Variants in PLD1 observed in about 807,000 individuals in gnomAD.
PLD1 encodes the protein phospholipase D1.
In PLD1, 112 loss-of-function variants were observed where a neutral mutation model predicts 137.1. That is an observed-to-expected ratio of 0.82 (90% CI 0.70 to 0.96). The LOEUF is 0.96. PLD1 is among the 40% of genes least tolerant of loss of function. The pLI, the probability that PLD1 is intolerant of heterozygous loss-of-function variation, is 0.00. For missense variants in PLD1, 1,321 were observed against 1,342.0 expected (o/e 0.98, Z 0.24); for synonymous variants, 431 against 454.7 (o/e 0.95, Z 0.66).
At chr3:171,693,350 G>A (rs1264535829) in intron 12 of PLD1, among the ~76,000 whole-genome samples, 2 of 152,044 alleles carry the variant, frequency 1.3e-5, no homozygotes, top group African/African-American at 4.8e-5. Context: ...AAAAGACCAG[G>A]TCCAATAGCT....
chr3:171,784,007 T>A (rs145721746), intron 1 of PLD1, among the ~76,000 whole-genome samples: 106 of 152,294 alleles, frequency 7.0e-4, no homozygotes, highest in Non-Finnish European at 1.2e-3. Flanking sequence ...ACTCTCTGTG[T>A]CTGGATAGTA....
At chr3:171,611,886 C>T (rs939832040) in intron 25 of PLD1, among the ~76,000 whole-genome samples, 1 of 152,006 alleles carries the variant, frequency 6.6e-6, no homozygotes, top group African/African-American at 2.4e-5. Context: ...TTGAGACCAG[C>T]CTGGGCAGCA....
Position 171,692,357 on chromosome 3 carries a change from A to G in PLD1, c.1313T>C (p.Leu438Ser). The G allele has an allele frequency of 2.6e-6, 4 of 1,560,482 alleles. No individual in the cohort carries two copies. The highest frequency in any genetic ancestry group is 3.5e-6 in the Non-Finnish European group (4 of 1,131,102). The change falls in exon 13 of 27, where the codon TTG becomes TCG. Residue 438 changes from leucine to serine, a missense_variant. Leu to Ser is a moderately radical substitution (Grantham distance 145). Coordinates refer to ENST00000351298, the MANE Select transcript of PLD1 (RefSeq NM_002662.5). The part of the protein sequence containing the change: ...GINSEYTKRT[L>S]MRLHPNIKVM... The stretch of plus-strand genomic sequence containing the variant: ...CTTTATGTTGGGATGTAGACGCATC[A>G]AAGTCCTCTTGGTGTATTCACTATT...
In PLD1 at chr3:171,664,792, G is replaced by T. The variant is rs145765356; in HGVS notation, c.2230-2622C>A. 2.8e-3 allele frequency among the ~76,000 whole-genome samples: 420 copies of T among 152,186 alleles called. 1 individual carries two copies. Among genetic ancestry groups the T allele is most frequent in the African/African-American group, 9.4e-3 (389 of 41,534 alleles). ...CATGATGTTTAAATGACTTGTCCAA[G>T]GTGTAAGAGAATTTACATATAATTT... On this transcript the variant is annotated intron_variant, in intron 19 of 26. Transcript: ENST00000351298.
intron 23 of PLD1, among the ~76,000 whole-genome samples, chr3:171,628,278 C>A (rs542084665): frequency 4.6e-5 from 7 of 152,294 alleles, no homozygotes; most frequent in African/African-American, 1.4e-4. Flanking sequence ...GGATAAATTC[C>A]TCAACATATA....
chr3:171,641,883 C>A (rs186273942), intron 23 of PLD1, among the ~76,000 whole-genome samples: 16 of 152,314 alleles, frequency 1.1e-4, no homozygotes, highest in Middle Eastern at 6.8e-3. Flanking sequence ...CCACCAACCT[C>A]TTCTTGCCTT....
At chr3:171,802,027 A>G (rs1723669898) in intron 1 of PLD1, among the ~76,000 whole-genome samples, 1 of 152,256 alleles carries the variant, frequency 6.6e-6, no homozygotes, top group African/African-American at 2.4e-5. Context: ...TCCAAATTGC[A>G]GTAATATCTC....
In PLD1 at chr3:171,687,472, A is replaced by G; in HGVS notation, c.1652T>C (p.Ile551Thr). The change falls in exon 15 of 27, where the codon ATA becomes ACA. Residue 551 changes from isoleucine to threonine, a missense_variant. By Grantham distance (89) the Ile-to-Thr change is moderately conservative (BLOSUM62 -1). Coordinates refer to ENST00000351298, the MANE Select transcript of PLD1 (RefSeq NM_002662.5). ...IDDVDSKLKG[I>T]GKPRKFSKFS... is the part of the protein sequence containing the mutation. ...TTTGGAGAACTTTCTTGGCTTTCCT[A>G]TTCCTTTCAGTTTTGAATCCACATC... is the stretch of plus-strand genomic sequence containing the variant. The G allele has an allele frequency of 1.2e-6, 2 of 1,614,110 alleles. No homozygotes were observed. The highest frequency in any genetic ancestry group is 1.7e-6 in the Non-Finnish European group (2 of 1,179,992).
In PLD1 at chr3:171,801,516, C is replaced by T. The variant is rs532575795; in HGVS notation, c.-32+8883G>A. 7.6e-4 allele frequency among the ~76,000 whole-genome samples: 116 copies of T among 152,336 alleles called. 1 individual carries two copies. The highest frequency in any genetic ancestry group is 1.9e-3 in the South Asian group (9 of 4,824). ...CGATCTCAGCTCACTGTAACCTCCACCTCCTAGGTTCAAGCAATTCTCCTG... is the reference window on the plus strand; with the variant it reads ...CGATCTCAGCTCACTGTAACCTCCATCTCCTAGGTTCAAGCAATTCTCCTG... On this transcript the variant is annotated intron_variant, in intron 1 of 26. Transcript: ENST00000351298.
intron 1 of PLD1, among the ~76,000 whole-genome samples, chr3:171,758,921 A>T (rs1041261129): frequency 6.6e-6 from 1 of 152,218 alleles, no homozygotes; most frequent in Non-Finnish European, 1.5e-5. Context: ...AGAAGCATGT[A>T]TCATGTAGCA....
At chr3:171,764,883 G>GA (rs369681569) in intron 1 of PLD1, among the ~76,000 whole-genome samples, 1 of 25,156 alleles carries the variant, frequency 4.0e-5, no homozygotes, top group Non-Finnish European at 8.8e-5. Flanking sequence ...AAGAAAGAAA[G>GA]AAAGAAAGAA....
intron 1 of PLD1, among the ~76,000 whole-genome samples, chr3:171,804,657 C>T (rs1449100322): frequency 6.6e-6 from 1 of 152,222 alleles, no homozygotes; most frequent in Non-Finnish European, 1.5e-5. Flanking sequence ...GTGGCATAAA[C>T]CAAACTAGAC....
chr3:171,612,303 C>G lies in PLD1; in HGVS notation c.2858G>C (p.Arg953Pro). Residue 953 changes from arginine (R) to proline (P), a missense_variant, in exon 25 of 27, where the codon CGA (arginine) becomes CCA (proline). Coordinates refer to ENST00000351298, the MANE Select transcript of PLD1 (RefSeq NM_002662.5). The surrounding 1 kb of genome is among the most constrained non-coding windows in gnomAD (Gnocchi z 4.1). ...CCTAAAGCACTGTAGCCGAAGTCCT[C>G]GGGCAAACCGGCCAGCTTGGTACTC... ...GKEYQAGRFA[R>P]GLRLQCFRVV... is the part of the protein sequence containing the mutation. 1 of 1,614,114 alleles carries G rather than the reference C, an allele frequency of 6.2e-7. No individual in the cohort carries two copies. The highest frequency in any genetic ancestry group is 8.5e-7 in the Non-Finnish European group (1 of 1,179,990).
chr3:171,750,602 A>G (rs1456013882), intron 1 of PLD1, among the ~76,000 whole-genome samples: 1 of 152,222 alleles, frequency 6.6e-6, no homozygotes, highest in Non-Finnish European at 1.5e-5. Flanking sequence ...GGTACATTAA[A>G]GTCAAGCTGC....
At chr3:171,629,691 C>T (rs916172948) in intron 23 of PLD1, among the ~76,000 whole-genome samples, 1 of 151,764 alleles carries the variant, frequency 6.6e-6, no homozygotes, top group Non-Finnish European at 1.5e-5. Flanking sequence ...CAGAACAGAG[C>T]CCTCAGAAAT....
intron 1 of PLD1, among the ~76,000 whole-genome samples, chr3:171,804,868 T>C (rs1482464446): frequency 6.6e-6 from 1 of 152,242 alleles, no homozygotes; most frequent in African/African-American, 2.4e-5. Flanking sequence ...TTGTAAAGAA[T>C]TGACAAAGGT....
intron 9 of PLD1, among the ~76,000 whole-genome samples, chr3:171,711,099 C>G (rs1478934699): frequency 1.3e-5 from 2 of 151,030 alleles, no homozygotes; most frequent in Admixed American, 6.6e-5. Context: ...GAACTCTCAA[C>G]CTCAGGGGAT....
chr3:171,674,543 T>G lies in PLD1; in HGVS notation c.2186A>C (p.Glu729Ala). The change falls in exon 19 of 27, where the codon GAG becomes GCG. Residue 729 changes from glutamate (E) to alanine (A), a missense_variant. Coordinates refer to ENST00000351298, the MANE Select transcript of PLD1 (RefSeq NM_002662.5). ...AGACCCAGGCACTTGATATCTCAAC[T>G]CATGGGCTGTTGTTTGAGACTTTGG... ...LLPKSQTTAH[E>A]LRYQVPGSVH... The G allele has an allele frequency of 6.2e-7, 1 of 1,611,014 alleles. No individual in the cohort carries two copies. The highest frequency in any genetic ancestry group is 1.1e-5 in the South Asian group (1 of 90,940).
At chr3:171,611,558 T>G (rs1732659682) in intron 25 of PLD1, 1 of 518,386 alleles carries the variant, frequency 1.9e-6, no homozygotes, top group Non-Finnish European at 3.9e-6. Context: ...TTCTCTCTGC[T>G]TCACCACAGA....
Sources: allele counts gnomAD v4.1 joint callset (sites outside exome capture counted in the v4.1 genomes callset), GRCh38; gene constraint gnomAD v4.1.1; non-coding constraint Gnocchi (gnomAD v3.1); transcripts MANE v1.5; gene names NCBI Gene and HGNC (gene_info 2026-07-23, HGNC 2026-07-21).